The following NAALADL2 variants were observed in gnomAD, a reference collection of about 807,000 sequenced individuals.
The protein encoded by NAALADL2 is N-acetylated alpha-linked acidic dipeptidase like 2.
In NAALADL2, 76 loss-of-function variants were observed where a neutral mutation model predicts 87.2. The observed-to-expected ratio is 0.87, with a 90% CI of 0.72 to 1.05. The LOEUF is 1.05. Among genes scored for constraint, NAALADL2 ranks in the 50% least tolerant of loss-of-function variants. The pLI is 0.00. For synonymous variants in NAALADL2, 354 were observed against 331.0 expected (o/e 1.07, Z -0.75); for missense variants, 1,089 against 945.8 (o/e 1.15, Z -1.99).
At chr3:174,739,730 G>C (rs979782722) in intron 3 of NAALADL2, among the ~76,000 whole-genome samples, 1 of 152,052 alleles carries the variant, frequency 6.6e-6, no homozygotes, top group Non-Finnish European at 1.5e-5. Context: ...TAATGATTTT[G>C]AATATTTGCT....
intron 4 of NAALADL2, among the ~76,000 whole-genome samples, chr3:175,313,470 A>G (rs1758645109): frequency 6.6e-6 from 1 of 152,202 alleles, no homozygotes; most frequent in South Asian, 2.1e-4. Context: ...AAATAATACA[A>G]GCTTTTCCGT....
chr3:175,121,736 C>T (rs568425088), intron 2 of NAALADL2, among the ~76,000 whole-genome samples: 1 of 151,824 alleles, frequency 6.6e-6, no homozygotes, highest in Admixed American at 6.6e-5. Flanking sequence ...CCACAGAGCA[C>T]AGAGCCAAGA....
rs185767245 is a variant in NAALADL2, at chr3:175,559,760, A to G, written c.1654-16281A>G. ...ACATCGACTGATTTGCATATGTTGC[A>G]CCAATCTTGTATCACTGGGGTGAAC... On this transcript the variant is annotated intron_variant, in intron 9 of 13. Coordinates refer to ENST00000454872, the MANE Select transcript of NAALADL2 (RefSeq NM_207015.3). Among the ~76,000 whole-genome samples the G allele has an allele frequency of 3.9e-5, 6 of 152,320 alleles. No individual in the cohort carries two copies. In the East Asian group the frequency reaches 1.2e-3, roughly 29 times the overall value.
At chr3:175,146,628 G>A (rs781697602) in intron 2 of NAALADL2, among the ~76,000 whole-genome samples, 2 of 152,060 alleles carry the variant, frequency 1.3e-5, no homozygotes, top group Non-Finnish European at 2.9e-5. Flanking sequence ...AAAATGAATG[G>A]CTTCAATCAC....
At chr3:174,658,174 T>C (rs1018182969) in intron 2 of NAALADL2, among the ~76,000 whole-genome samples, 1 of 152,198 alleles carries the variant, frequency 6.6e-6, no homozygotes, top group Non-Finnish European at 1.5e-5. Context: ...AGAGCATGTT[T>C]AATTTGGTAA....
intron 1 of NAALADL2, among the ~76,000 whole-genome samples, chr3:174,542,514 G>C (rs913952872): frequency 6.6e-6 from 1 of 152,114 alleles, no homozygotes; most frequent in Non-Finnish European, 1.5e-5. Flanking sequence ...TTACCATCTG[G>C]AAGACACAAA....
At chr3:175,737,788 G>T (rs1375885009) in intron 12 of NAALADL2, among the ~76,000 whole-genome samples, 1 of 122,274 alleles carries the variant, frequency 8.2e-6, no homozygotes, top group Non-Finnish European at 1.6e-5. Context: ...TGGCCCAGAA[G>T]TTTCTCTTTT....
At chr3:175,420,903 T>C (rs1303020909) in intron 5 of NAALADL2, among the ~76,000 whole-genome samples, 2 of 152,060 alleles carry the variant, frequency 1.3e-5, no homozygotes, top group African/African-American at 4.8e-5. Flanking sequence ...TGTTTGCCTA[T>C]CTGCATCCAC....
chr3:174,560,232 A>G (rs962173346), intron 2 of NAALADL2, among the ~76,000 whole-genome samples: 3 of 152,206 alleles, frequency 2.0e-5, no homozygotes, highest in Non-Finnish European at 4.4e-5. Flanking sequence ...CAATGTTCAC[A>G]TCCAAATATA....
At chr3:174,745,791 A>G (rs1242111679) in intron 3 of NAALADL2, among the ~76,000 whole-genome samples, 1 of 152,130 alleles carries the variant, frequency 6.6e-6, no homozygotes, top group Non-Finnish European at 1.5e-5. Context: ...TTAAACATAC[A>G]CAAATTAATA....
At chr3:174,972,824 C>T (rs759107924) in intron 1 of NAALADL2, among the ~76,000 whole-genome samples, 2 of 151,642 alleles carry the variant, frequency 1.3e-5, no homozygotes, top group Admixed American at 1.3e-4. Context: ...GAAACCCTGT[C>T]TCTACTAAAA....
chr3:175,336,100 G>A (rs149519921), intron 5 of NAALADL2, among the ~76,000 whole-genome samples: 10 of 151,198 alleles, frequency 6.6e-5, no homozygotes, highest in Middle Eastern at 3.4e-3. Flanking sequence ...TTGGGTACAG[G>A]GCCTCCCGAA....
chr3:174,533,144 G>T (rs1477601046), intron 1 of NAALADL2, among the ~76,000 whole-genome samples: 1 of 108,962 alleles, frequency 9.2e-6, no homozygotes, highest in Non-Finnish European at 1.8e-5. Context: ...GATTAGTTTA[G>T]GTTGTATGAC....
At chr3:174,736,629 G>T (rs1396600415) in intron 2 of NAALADL2, among the ~76,000 whole-genome samples, 1 of 152,134 alleles carries the variant, frequency 6.6e-6, no homozygotes, top group East Asian at 1.9e-4. Flanking sequence ...ATGGGCTTCA[G>T]TGGGGAGGAA....
At chr3:174,908,212 C>T (rs1377212136) in intron 1 of NAALADL2, among the ~76,000 whole-genome samples, 2 of 151,986 alleles carry the variant, frequency 1.3e-5, no homozygotes, top group Non-Finnish European at 2.9e-5. Flanking sequence ...TATTTGCTTT[C>T]CTATTACTAT....
chr3:175,506,222 C>T (rs1053823380), intron 9 of NAALADL2, among the ~76,000 whole-genome samples: 3 of 152,184 alleles, frequency 2.0e-5, no homozygotes, highest in Admixed American at 6.5e-5. Flanking sequence ...GGTGCTTCGG[C>T]AGAACTGCCA....
intron 2 of NAALADL2, among the ~76,000 whole-genome samples, chr3:175,118,465 A>G (rs912546740): frequency 2.6e-5 from 4 of 151,658 alleles, no homozygotes; most frequent in African/African-American, 4.8e-5. Flanking sequence ...AAAACTATAA[A>G]TTATCACTTT....
chr3:174,485,450 C>G (rs1717794635), intron 1 of NAALADL2, among the ~76,000 whole-genome samples: 1 of 151,124 alleles, frequency 6.6e-6, no homozygotes, highest in South Asian at 2.1e-4. Context: ...CCTCCACCCA[C>G]CCCCCTCTCT....
intron 9 of NAALADL2, among the ~76,000 whole-genome samples, chr3:175,549,193 G>A (rs1015149325): frequency 2.6e-5 from 4 of 151,742 alleles, no homozygotes; most frequent in African/African-American, 9.7e-5. Context: ...TCTATGATAT[G>A]ATTAAGACTA....
Sources: allele counts gnomAD v4.1 joint callset (sites outside exome capture counted in the v4.1 genomes callset), GRCh38; gene constraint gnomAD v4.1.1; transcripts MANE v1.5; gene names NCBI Gene and HGNC (gene_info 2026-07-23, HGNC 2026-07-21).